WDR49: variants seen among roughly 807,000 people sequenced by gnomAD.
The protein encoded by WDR49 is WD repeat domain 49.
Under a neutral mutation model 119.5 loss-of-function variants are expected in WDR49, and 107 were observed. The ratio of observed to expected loss-of-function variants is 0.90; its 90% CI spans 0.77 to 1.05. WDR49 has a LOEUF of 1.05. Ranked by LOEUF, WDR49 falls within the 50% of genes least tolerant of loss-of-function variation. The pLI, the probability that WDR49 is intolerant of heterozygous loss-of-function variation, is 0.00. For synonymous variants in WDR49, 425 were observed against 418.8 expected (o/e 1.01, Z -0.18); for missense variants, 1,240 against 1,220.5 (o/e 1.02, Z -0.24).
chr3:167,634,222 C>T (rs1577291855), intron 2 of WDR49, among the ~76,000 whole-genome samples: 1 of 151,814 alleles, frequency 6.6e-6, no homozygotes, highest in East Asian at 1.9e-4. Flanking sequence ...GTACTCATGC[C>T]TCTGTTAGAA....
At chr3:167,515,828 T>C (rs1752176122) in intron 16 of WDR49, among the ~76,000 whole-genome samples, 1 of 152,192 alleles carries the variant, frequency 6.6e-6, no homozygotes, top group African/African-American at 2.4e-5. Context: ...CAAGCACTCC[T>C]ATACACAAAT....
At chr3:167,513,588 A>G (rs975463220) in intron 16 of WDR49, among the ~76,000 whole-genome samples, 11 of 152,238 alleles carry the variant, frequency 7.2e-5, no homozygotes, top group Admixed American at 2.0e-4. Context: ...TCATGGAGAC[A>G]AAATCAAATT....
chr3:167,641,479 T>C (rs1389135038), intron 2 of WDR49, among the ~76,000 whole-genome samples: 5 of 151,898 alleles, frequency 3.3e-5, no homozygotes, highest in Admixed American at 6.6e-5. Flanking sequence ...TCATATACCC[T>C]AGCTGATTTA....
intron 10 of WDR49, among the ~76,000 whole-genome samples, chr3:167,548,851 C>A (rs1008893759): frequency 6.6e-6 from 1 of 152,082 alleles, no homozygotes; most frequent in African/African-American, 2.4e-5. Context: ...TCTCCCTCCA[C>A]CCCACAACAG....
chr3:167,648,614 A>C (rs1319652826), intron 2 of WDR49, among the ~76,000 whole-genome samples: 2 of 152,184 alleles, frequency 1.3e-5, no homozygotes, highest in African/African-American at 4.8e-5. Context: ...CATGGGTGAG[A>C]TCATTATCTG....
At chr3:167,559,756 G>A (rs527711475) in intron 9 of WDR49, among the ~76,000 whole-genome samples, 21 of 152,130 alleles carry the variant, frequency 1.4e-4, no homozygotes, top group African/African-American at 2.9e-4. Flanking sequence ...TGAAATTATC[G>A]AGGCATCGTA....
chr3:167,563,797 G>A (rs1713422901), intron 8 of WDR49, among the ~76,000 whole-genome samples: 1 of 152,146 alleles, frequency 6.6e-6, no homozygotes. Flanking sequence ...TACACAAGAA[G>A]TTGTTGTTAA....
chr3:167,579,101 T>G (rs79184714), intron 7 of WDR49, among the ~76,000 whole-genome samples: 2 of 152,090 alleles, frequency 1.3e-5, no homozygotes, highest in Admixed American at 6.6e-5. Context: ...TGATTCCCCT[T>G]CACCTTCTGC....
chr3:167,602,803 C>A (rs1460446468), intron 6 of WDR49, among the ~76,000 whole-genome samples: 3 of 152,108 alleles, frequency 2.0e-5, no homozygotes, highest in East Asian at 3.8e-4. Context: ...CGAATATGGT[C>A]CCATGAGACT....
intron 9 of WDR49, among the ~76,000 whole-genome samples, chr3:167,558,929 C>G (rs940922300): frequency 6.6e-6 from 1 of 152,156 alleles, no homozygotes; most frequent in Non-Finnish European, 1.5e-5. Context: ...AGTTATTTCC[C>G]TTTTATTTCA....
chr3:167,630,382 A>G (rs931957105), intron 2 of WDR49, among the ~76,000 whole-genome samples: 41 of 152,244 alleles, frequency 2.7e-4, no homozygotes, highest in African/African-American at 9.4e-4. Flanking sequence ...TTAATACCCT[A>G]CAGTATAGCT....
At chr3:167,499,034 A>G (rs1019069553) in intron 18 of WDR49, among the ~76,000 whole-genome samples, 1 of 152,236 alleles carries the variant, frequency 6.6e-6, no homozygotes, top group Middle Eastern at 3.2e-3. Flanking sequence ...AAGAGAAATG[A>G]GTAGAAACCA....
chr3:167,554,657 T>C lies in WDR49; in HGVS notation c.1816A>G (p.Ile606Val). 6.6e-7 allele frequency: 1 copy of C among 1,506,656 alleles called. No individual in the cohort carries two copies. The highest frequency in any genetic ancestry group is 9.1e-7 in the Non-Finnish European group (1 of 1,098,604). The allele number at this position is 1,506,656 out of a possible 1,614,324, so 93.3% of individuals were successfully genotyped here. Residue 606 changes from isoleucine to valine, a missense_variant, in exon 10 of 19, where the codon ATA becomes GTA. Coordinates refer to ENST00000682715, the MANE Select transcript of WDR49 (RefSeq NM_001366157.1). ...AAACATTCTCCTTTTTACCTTCCTA[T>C]AGTTTTCCATGAGGCATAATCATAC... The part of the protein sequence containing the change: ...ERYDYASWKT[I>V]GRAITVFRPQ...
chr3:167,571,557 G>T (rs527288414), intron 8 of WDR49, among the ~76,000 whole-genome samples: 1 of 152,044 alleles, frequency 6.6e-6, no homozygotes, highest in Non-Finnish European at 1.5e-5. Flanking sequence ...AGTAAATTAC[G>T]ATACATATAT....
Position 167,604,468 on chromosome 3 carries a change from A to G in WDR49, c.959T>C (p.Val320Ala). ...AGCGTCTAAAGATGCATTGTAAGTA[A>G]CTGATAAAAAATTAAAAAGAGAAAA... Reference protein sequence around the residue: ...KLHQGDWVRQVTYNASLDAII... With the variant: ...KLHQGDWVRQATYNASLDAII... The change falls in exon 6 of 19, where the codon GTT (valine) becomes GCT (alanine). Residue 320 changes from valine to alanine, a missense_variant and splice_region_variant. Physicochemically the swap from Val to Ala is moderately conservative, Grantham distance 64 (BLOSUM62 0). Coordinates refer to ENST00000682715, the MANE Select transcript of WDR49 (RefSeq NM_001366157.1). The G allele has an allele frequency of 6.3e-7, 1 of 1,592,482 alleles. No homozygotes were observed. The highest frequency in any genetic ancestry group is 1.1e-5 in the South Asian group (1 of 87,916).
chr3:167,567,657 G>C (rs1429797085), intron 8 of WDR49, among the ~76,000 whole-genome samples: 1 of 152,096 alleles, frequency 6.6e-6, no homozygotes, highest in Non-Finnish European at 1.5e-5. Flanking sequence ...AGTACCATGT[G>C]TAATGAGCCT....
intron 8 of WDR49, chr3:167,566,806 A>G (rs1304159072): frequency 1.3e-5 from 8 of 624,642 alleles, no homozygotes; most frequent in Admixed American, 1.3e-4. Flanking sequence ...TAAGAAAATT[A>G]TAAGAAAGAG....
Position 167,653,492 on chromosome 3 carries a change from A to C in WDR49, c.-67T>G. ...AAGGATGGATCTTCTTTTTCCTTCA[A>C]CAGGTGCCTTTGAAAAGAAACTCAA... On this transcript the variant is annotated 5_prime_UTR_variant, in exon 2 of 19. Transcript: ENST00000682715. 7.1e-7 allele frequency: 1 copy of C among 1,410,758 alleles called. No homozygotes were observed. The highest frequency in any genetic ancestry group is 1.6e-5 in the South Asian group (1 of 62,116). 87.4% of individuals were successfully genotyped at this position (1,410,758 alleles called of 1,614,324 possible). A position where few individuals can be genotyped will look rare whatever the true frequency, so the allele number is the denominator to read the frequency against.
chr3:167,522,260 T>C (rs1752477591), intron 16 of WDR49, 55 bp downstream of exon 16: 1 of 1,483,092 alleles, frequency 6.7e-7, no homozygotes, highest in Non-Finnish European at 9.0e-7. Flanking sequence ...ACCAATCTTA[T>C]CTATGTCTTA....
Sources: allele counts gnomAD v4.1 joint callset (sites outside exome capture counted in the v4.1 genomes callset), GRCh38; gene constraint gnomAD v4.1.1; transcripts MANE v1.5; gene names NCBI Gene and HGNC (gene_info 2026-07-23, HGNC 2026-07-21).